The following HDAC9 variants were observed in gnomAD, a reference collection of about 807,000 sequenced individuals.
The protein encoded by HDAC9 is MEF-2 interacting transcription repressor (MITR) protein.
In HDAC9, 41 loss-of-function variants were observed where a neutral mutation model predicts 139.4. The ratio of observed to expected loss-of-function variants is 0.29; its 90% CI spans 0.23 to 0.38. The LOEUF is 0.38. Among genes scored for constraint, HDAC9 ranks in the 10% least tolerant of loss-of-function variants. The pLI is 1.00. For missense variants in HDAC9, 1,147 were observed against 1,297.0 expected, an observed-to-expected ratio of 0.88 and a Z score of 1.78; for synonymous variants, 517 against 476.2, an observed-to-expected ratio of 1.09 and a Z score of -1.12.
At chr7:18,556,253 ACTT>A (rs1818763229) in intron 2 of HDAC9, among the ~76,000 whole-genome samples, 1 of 152,032 alleles carries the variant, frequency 6.6e-6, no homozygotes, top group Non-Finnish European at 1.5e-5. Flanking sequence ...GATTTCACAA[ACTT>A]CTTATAGACA....
intron 24 of HDAC9, among the ~76,000 whole-genome samples, chr7:18,966,964 A>G (rs568949120): frequency 1.1e-3 from 160 of 152,358 alleles, no homozygotes; most frequent in African/African-American, 3.4e-3. Context: ...ACAAGTGTGA[A>G]TGTGAATTTT....
intron 21 of HDAC9, among the ~76,000 whole-genome samples, chr7:18,868,246 G>C (rs1430373298): frequency 1.3e-5 from 2 of 152,250 alleles, no homozygotes; most frequent in African/African-American, 4.8e-5. Flanking sequence ...TGTGTGGACT[G>C]TCAAACCCCA....
intron 2 of HDAC9, among the ~76,000 whole-genome samples, chr7:18,551,049 A>C (rs1272074487): frequency 6.6e-6 from 1 of 152,214 alleles, no homozygotes; most frequent in Non-Finnish European, 1.5e-5. Context: ...AAAAACCCTC[A>C]GGATATTTTG....
intron 1 of HDAC9, among the ~76,000 whole-genome samples, chr7:18,478,149 G>A (rs1428574442): frequency 1.3e-5 from 2 of 151,756 alleles, no homozygotes; most frequent in Non-Finnish European, 2.9e-5. Flanking sequence ...TGGGCTCACT[G>A]CAAGCTCCGC....
At chr7:18,113,433 G>A (rs1783759931) in intron 1 of HDAC9, among the ~76,000 whole-genome samples, 1 of 152,074 alleles carries the variant, frequency 6.6e-6, no homozygotes, top group Non-Finnish European at 1.5e-5. Flanking sequence ...ACTTAGCTTT[G>A]CAATGTAATG....
At chr7:18,566,905 G>T (rs1822543945) in intron 2 of HDAC9, among the ~76,000 whole-genome samples, 1 of 152,172 alleles carries the variant, frequency 6.6e-6, no homozygotes, top group East Asian at 1.9e-4. Context: ...AGGACCTGGA[G>T]GTGAGAGAAG....
chr7:18,689,080 A>G (rs116527864), intron 12 of HDAC9, among the ~76,000 whole-genome samples: 2,343 of 152,122 alleles, frequency 0.015, 15 homozygotes, highest in Middle Eastern at 0.051. Flanking sequence ...TTAAAAATAC[A>G]GTTTACAAAG....
chr7:18,431,720 G>A (rs2128763319), intron 1 of HDAC9, among the ~76,000 whole-genome samples: 1 of 152,212 alleles, frequency 6.6e-6, no homozygotes, highest in East Asian at 1.9e-4. Context: ...GATGAATGAG[G>A]GACTTATATG....
rs188481955 is a variant in HDAC9 at position 18,292,557 on chromosome 7, G to A, written c.-42+2042G>A. 4.5e-3 allele frequency among the ~76,000 whole-genome samples: 685 copies of A among 152,152 alleles called. 3 individuals are homozygous for A. Among genetic ancestry groups the A allele is most frequent in the Non-Finnish European group, 7.6e-3 (519 of 67,982 alleles). On this transcript the variant is annotated intron_variant, in intron 1 of 3. Transcript: ENST00000413509. ...TTTTGACAAATACAGAGGCGGGTGG[G>A]GATGGTGTGGAGTTACCGCTGTAAA... is the stretch of plus-strand genomic sequence containing the variant.
At chr7:18,984,543 A>G (rs1269951168) in intron 25 of HDAC9, among the ~76,000 whole-genome samples, 1 of 152,178 alleles carries the variant, frequency 6.6e-6, no homozygotes, top group Admixed American at 6.5e-5. Context: ...GACAGCCAAG[A>G]AACCCTTATG....
At chr7:18,589,219 A>G (rs1459306951) in intron 3 of HDAC9, among the ~76,000 whole-genome samples, 1 of 152,070 alleles carries the variant, frequency 6.6e-6, no homozygotes, top group African/African-American at 2.4e-5. Context: ...ACATCTCAAG[A>G]TGGCTATTAA....
intron 1 of HDAC9, among the ~76,000 whole-genome samples, chr7:18,322,729 C>T (rs535666784): frequency 2.6e-5 from 4 of 151,990 alleles, no homozygotes; most frequent in Non-Finnish European, 4.4e-5. Context: ...AATAGTAAGC[C>T]GACATTCGAG....
At chr7:18,242,965 T>C (rs960593141) in intron 2 of HDAC9, among the ~76,000 whole-genome samples, 8 of 152,230 alleles carry the variant, frequency 5.3e-5, no homozygotes, top group Admixed American at 3.9e-4. Context: ...TACTGAGTGC[T>C]CTACTTCTGG....
chr7:18,278,045 A>G lies in HDAC9; in HGVS notation c.25+115696A>G, dbSNP rs1029225239. Among the ~76,000 whole-genome samples the G allele has an allele frequency of 8.3e-4, 127 of 152,218 alleles. 8 individuals carry two copies. Among genetic ancestry groups the G allele is most frequent in the Non-Finnish European group, 1.9e-4 (13 of 68,028 alleles). On this transcript the variant is annotated intron_variant, in intron 2 of 12. Transcript: ENST00000417496. The stretch of plus-strand genomic sequence containing the variant: ...ACTTCACTAGCAACATCGTACAAAC[A>G]AGAGGAAGCACCATCTTGAACTTCC...
chr7:18,685,288 C>T (rs951185306), intron 12 of HDAC9, among the ~76,000 whole-genome samples: 3 of 152,010 alleles, frequency 2.0e-5, no homozygotes, highest in Non-Finnish European at 4.4e-5. Flanking sequence ...CTCCCTTTTC[C>T]ACTTACCCAT....
chr7:18,472,127 G>A (rs1794774643), intron 1 of HDAC9, among the ~76,000 whole-genome samples: 1 of 152,096 alleles, frequency 6.6e-6, no homozygotes, highest in Admixed American at 6.5e-5. Flanking sequence ...GCTGCCTTTA[G>A]CTGGAAGATT....
intron 6 of HDAC9, among the ~76,000 whole-genome samples, chr7:18,615,966 C>T (rs1190823013): frequency 1.3e-5 from 2 of 152,146 alleles, no homozygotes; most frequent in African/African-American, 4.8e-5. Flanking sequence ...GTGTTCTTTT[C>T]TGGGGACTCT....
At chr7:18,704,283 T>G (rs1783719609) in intron 12 of HDAC9, among the ~76,000 whole-genome samples, 1 of 152,230 alleles carries the variant, frequency 6.6e-6, no homozygotes. Flanking sequence ...ACACACTTCT[T>G]CCTCCATGAC....
At position 18,937,604 on chromosome 7, in the gene HDAC9, AT is replaced by A. The variant is rs1203308005; in HGVS notation, c.2937+1668del. Among the ~76,000 whole-genome samples, 3 of 152,038 alleles carry A rather than the reference AT, an allele frequency of 2.0e-5. No homozygotes were observed. The East Asian group carries it at 5.8e-4, about 29-fold the overall frequency. ...GGTGCTTCTTTGTCCCCTAGATAAC[AT>A]TTTTTGCATAGTCACCTGTATTCTG... On this transcript the variant is annotated intron_variant, in intron 23 of 25. Coordinates refer to ENST00000686413, the MANE Select transcript of HDAC9 (RefSeq NM_178425.4).
Sources: gnomAD v4.1 joint callset for allele counts (sites outside exome capture counted in the v4.1 genomes callset) on GRCh38, gnomAD v4.1.1 for gene constraint, MANE v1.5 for transcripts, NCBI Gene and HGNC (gene_info 2026-07-23, HGNC 2026-07-21) for gene names.